CD300LB: variants seen among roughly 807,000 people sequenced by gnomAD.
CD300LB encodes the protein CD300 molecule like family member b, also known as CMRF35-like molecule 7.
In CD300LB, 18 loss-of-function variants were observed where a neutral mutation model predicts 20.8. The ratio of observed to expected loss-of-function variants is 0.87; its 90% confidence interval spans 0.60 to 1.28. The LOEUF (loss-of-function observed/expected upper bound fraction) is 1.28, where lower values mean the gene tolerates loss of function less well. CD300LB is among the 50% of genes most tolerant of loss of function. The probability of loss-of-function intolerance (pLI) is 0.00; values close to 1 mark genes in which losing one functional copy is unlikely to be tolerated. For missense variants in CD300LB, 222 were observed against 251.8 expected (o/e 0.88, Z 0.80); for synonymous variants, 91 against 91.3 (o/e 1.00, Z 0.02).
At position 74,525,656 on chromosome 17, in the gene CD300LB, TC is replaced by T. The variant is rs1189735438; in HGVS notation, c.370+91del. 4.5e-5 allele frequency: 48 copies of T among 1,055,604 alleles called. No homozygotes were observed. In the African/African-American group the frequency reaches 7.6e-4, roughly 17 times the overall value. 65.4% of individuals were successfully genotyped at this position (1,055,604 alleles called of 1,614,324 possible). ...CTCTCTCTCTTAGGCTCACCATCAT[TC>T]CCTTTCAGCCTTGGAGGGGAGCAGG... On this transcript the variant is annotated intron_variant, in intron 2 of 3. Transcript: ENST00000392621.
At chr17:74,525,236 G>A (rs902127388) in intron 2 of CD300LB, among the ~76,000 whole-genome samples, 16 of 152,074 alleles carry the variant, frequency 1.1e-4, no homozygotes, top group South Asian at 4.1e-4. Context: ...GCTTTAAAGC[G>A]TCCACTGTCA....
At position 74,521,583 on chromosome 17, in the gene CD300LB, T is replaced by G; in HGVS notation, c.*1155A>C. 1.0e-6 allele frequency: 1 copy of G among 985,482 alleles called. No homozygotes were observed. Among genetic ancestry groups the G allele is most frequent in the Non-Finnish European group, 1.2e-6 (1 of 829,962 alleles). 61.0% of individuals were successfully genotyped at this position (985,482 alleles called of 1,614,324 possible). A position where few individuals can be genotyped will look rare whatever the true frequency, so the allele number is the denominator to read the frequency against. On this transcript the variant is annotated 3_prime_UTR_variant, in exon 4 of 4. Transcript: ENST00000392621. ...AGAAGAGGGGAGGCTCTGGGTGCCA[T>G]GCTAGGGACCAGAGGGTCCCCTCTC...
At chr17:74,529,922 C>A (rs1205885016) in intron 1 of CD300LB, among the ~76,000 whole-genome samples, 1 of 152,240 alleles carries the variant, frequency 6.6e-6, no homozygotes, top group African/African-American at 2.4e-5. Context: ...GTCATTCAAA[C>A]TGTAAATGGC....
In CD300LB at chr17:74,523,726, C is replaced by T. The variant is rs1040272727; in HGVS notation, c.371-75G>A. On this transcript the variant is annotated intron_variant, in intron 2 of 3. Transcript: ENST00000392621. ...ATGCATGGGTCACAAAGCCACGCGA[C>T]CCTGCCAGCCCTCACCAGAAGACCC... The T allele has an allele frequency of 8.7e-6, 8 of 920,828 alleles. No individual in the cohort carries two copies. In the Admixed American group the frequency reaches 1.0e-4, roughly 12 times the overall value. The allele number at this position is 920,828 out of a possible 1,614,324, so 57.0% of individuals were successfully genotyped here.
chr17:74,522,928 C>A lies in CD300LB; in HGVS notation c.444-28G>T, dbSNP rs764439070. 7 of 1,602,630 alleles carry A rather than the reference C, an allele frequency of 4.4e-6. No homozygotes were observed. In the African/African-American group the frequency reaches 9.4e-5, roughly 21 times the overall value. ...GGGGAAGGGGATGCAGTGGTCAGAG[C>A]CCTGGGCATCCCCAGGCCATGTCAC... On this transcript the variant is annotated intron_variant, in intron 3 of 3. Coordinates refer to ENST00000392621, the MANE Select transcript of CD300LB (RefSeq NM_174892.4).
chr17:74,523,006 G>A (rs1167217212), intron 3 of CD300LB, 106 bp from the exon 4 acceptor site: 3 of 1,101,642 alleles, frequency 2.7e-6, no homozygotes, highest in Admixed American at 2.6e-5. Context: ...CCCTGGGCCG[G>A]GCAGCCCCAC....
At chr17:74,526,671 C>G (rs78086581) in intron 1 of CD300LB, among the ~76,000 whole-genome samples, 5 of 152,138 alleles carry the variant, frequency 3.3e-5, no homozygotes, top group Admixed American at 1.3e-4. Flanking sequence ...TGAGATCGCA[C>G]CACTGCACTC....
At chr17:74,528,024 T>C (rs1908087877) in intron 1 of CD300LB, among the ~76,000 whole-genome samples, 2 of 151,892 alleles carry the variant, frequency 1.3e-5, no homozygotes, top group South Asian at 4.2e-4. Flanking sequence ...GTGAGGGATC[T>C]AGATTGCACA....
chr17:74,521,794 A>G lies in CD300LB; in HGVS notation c.*944T>C, dbSNP rs892574398. ...TGTGAGGGTCCCTCAACCATACAGCACAAAGTGACCACATTCAAGGGCCTC... is the reference window on the plus strand; with the variant it reads ...TGTGAGGGTCCCTCAACCATACAGCGCAAAGTGACCACATTCAAGGGCCTC... On this transcript the variant is annotated 3_prime_UTR_variant, in exon 4 of 4. Transcript: ENST00000392621. 1 of 985,440 alleles carries G rather than the reference A, an allele frequency of 1.0e-6. No individual in the cohort carries two copies. Among genetic ancestry groups the G allele is most frequent in the African/African-American group, 1.7e-5 (1 of 57,240 alleles). The allele number at this position is 985,440 out of a possible 1,614,324, so 61.0% of individuals were successfully genotyped here.
At chr17:74,528,981 T>C (rs1908115903) in intron 1 of CD300LB, among the ~76,000 whole-genome samples, 1 of 151,896 alleles carries the variant, frequency 6.6e-6, no homozygotes, top group Non-Finnish European at 1.5e-5. Context: ...ATGCAAAAGA[T>C]TAGCCAGGAG....
rs1907884418 is a variant in CD300LB, at chr17:74,521,708, G to A, written c.*1030C>T. On this transcript the variant is annotated 3_prime_UTR_variant, in exon 4 of 4. Transcript: ENST00000392621. ...AAGGGCAACATGCCGAACATGTGTG[G>A]TGTGTTTGCTTGTGGGCAGGTGGGG... The A allele has an allele frequency of 1.8e-5, 18 of 985,622 alleles. No individual in the cohort carries two copies. The highest frequency in any genetic ancestry group is 6.2e-5 in the Admixed American group (1 of 16,252). The allele number at this position is 985,622 out of a possible 1,614,324, so 61.1% of individuals were successfully genotyped here.
At chr17:74,529,471 T>A (rs1908134318) in intron 1 of CD300LB, among the ~76,000 whole-genome samples, 1 of 152,120 alleles carries the variant, frequency 6.6e-6, no homozygotes, top group Non-Finnish European at 1.5e-5. Context: ...CTCCTCCTCA[T>A]CAGCTGCACT....
At chr17:74,526,829 G>GAA (rs2143078152) in intron 1 of CD300LB, among the ~76,000 whole-genome samples, 1 of 152,348 alleles carries the variant, frequency 6.6e-6, no homozygotes, top group Non-Finnish European at 1.5e-5. Context: ...ACAGAGCTGG[G>GAA]AAAAGATGTC....
chr17:74,522,042 G>A lies in CD300LB; in HGVS notation c.*696C>T. 1 of 985,480 alleles carries A rather than the reference G, an allele frequency of 1.0e-6. No individual in the cohort carries two copies. The highest frequency in any genetic ancestry group is 1.2e-6 in the Non-Finnish European group (1 of 829,982). 61.0% of individuals were successfully genotyped at this position (985,480 alleles called of 1,614,324 possible). On this transcript the variant is annotated 3_prime_UTR_variant, in exon 4 of 4. Transcript: ENST00000392621. ...GAGGCTCCCAAGCTGCAGCCCCTCG[G>A]AGGTGGGGGAATAGGCAGGGAGCTT...
At chr17:74,526,348 T>G (rs111319391) in intron 1 of CD300LB, among the ~76,000 whole-genome samples, 30 of 152,270 alleles carry the variant, frequency 2.0e-4, no homozygotes, top group African/African-American at 6.5e-4. Flanking sequence ...TACCACCTTC[T>G]TTCCTTGTCC....
At chr17:74,525,380 T>C (rs1907997706) in intron 2 of CD300LB, among the ~76,000 whole-genome samples, 1 of 152,056 alleles carries the variant, frequency 6.6e-6, no homozygotes, top group Non-Finnish European at 1.5e-5. Context: ...TTGGTGCAGT[T>C]AGTGGGACTC....
chr17:74,524,803 GTC>G (rs1907982450), intron 2 of CD300LB, among the ~76,000 whole-genome samples: 1 of 151,902 alleles, frequency 6.6e-6, no homozygotes, highest in Non-Finnish European at 1.5e-5. Context: ...ACTGTTTTTT[GTC>G]TCTTTGTACC....
chr17:74,521,726 A>G lies in CD300LB; in HGVS notation c.*1012T>C. 4 of 983,444 alleles carry G rather than the reference A, an allele frequency of 4.1e-6. No individual in the cohort carries two copies. Among genetic ancestry groups the G allele is most frequent in the Non-Finnish European group, 4.8e-6 (4 of 828,620 alleles). 60.9% of individuals were successfully genotyped at this position (983,444 alleles called of 1,614,324 possible). ...ATGTGTGGTGTGTTTGCTTGTGGGC[A>G]GGTGGGGGCGGGAGCACATCTCACA... On this transcript the variant is annotated 3_prime_UTR_variant, in exon 4 of 4. Coordinates refer to ENST00000392621, the MANE Select transcript of CD300LB (RefSeq NM_174892.4).
In CD300LB at chr17:74,526,123, C is replaced by A. The variant is rs1419606073; in HGVS notation, c.41-46G>T. The stretch of plus-strand genomic sequence containing the variant: ...ATACAGCTCATTGCACCGGCACGAA[C>A]CCCTGCTCTGGGGCTCTCACGGACT... On this transcript the variant is annotated intron_variant, in intron 1 of 3. Coordinates refer to ENST00000392621, the MANE Select transcript of CD300LB (RefSeq NM_174892.4). The A allele has an allele frequency of 2.5e-6, 4 of 1,585,582 alleles. No individual in the cohort carries two copies. In the East Asian group the frequency reaches 6.7e-5, roughly 27 times the overall value.
Sources: gnomAD v4.1 joint callset for allele counts (sites outside exome capture counted in the v4.1 genomes callset) on GRCh38, gnomAD v4.1.1 for gene constraint, MANE v1.5 for transcripts, NCBI Gene and HGNC (gene_info 2026-07-23, HGNC 2026-07-21) for gene names.